AK6: variants seen among roughly 807,000 people sequenced by gnomAD.
The protein encoded by AK6 is adenylate kinase 6, also known as adenylate kinase isoenzyme 6.
AK6 carries 24 observed loss-of-function variants against 23.7 expected under a neutral mutation model. That is an observed-to-expected ratio of 1.01 (90% CI 0.73 to 1.43). AK6 has a LOEUF of 1.43. Ranked by LOEUF, AK6 falls within the 40% of genes most tolerant of loss-of-function variation. The pLI, the probability that AK6 is intolerant of heterozygous loss-of-function variation, is 0.00. For missense variants in AK6, 191 were observed against 199.1 expected (o/e 0.96, Z 0.24); for synonymous variants, 73 against 69.8 (o/e 1.05, Z -0.23).
intron 2 of AK6, chr5:69,365,606 G>A (rs758178796): frequency 5.0e-6 from 8 of 1,614,070 alleles, no homozygotes; most frequent in Non-Finnish European, 6.8e-6. Context: ...TCACATATCG[G>A]AAGGCAAACT....
chr5:69,355,315 C>T lies in AK6; in HGVS notation c.326+334G>A, dbSNP rs542451778. On this transcript the variant is annotated intron_variant, in intron 4 of 4. Transcript: ENST00000380822. ...TTGGGAGGCTGAGGTGGGCAGATTG[C>T]TGGAGCCCAAGAGTTCGAGACCAGT... is the stretch of plus-strand genomic sequence containing the variant. Among the ~76,000 whole-genome samples the T allele has an allele frequency of 2.6e-5, 4 of 152,228 alleles. No individual in the cohort carries two copies. In the South Asian group the frequency reaches 8.3e-4, roughly 32 times the overall value.
chr5:69,369,673 C>T (rs1250222542), upstream of AK6: 6 of 1,556,490 alleles, frequency 3.9e-6, no homozygotes, highest in Non-Finnish European at 4.3e-6. Context: ...TTCGATGACA[C>T]ATTTCCGTCG....
At chr5:69,366,801 C>T in intron 1 of AK6, 2 of 545,328 alleles carry the variant, frequency 3.7e-6, no homozygotes, top group South Asian at 2.2e-5. Flanking sequence ...TCTTGTCGCC[C>T]AGGCTGGAGT....
At position 69,363,943 on chromosome 5, in the gene AK6, C is replaced by G. The variant is rs1037214133; in HGVS notation, c.121+2560G>C. Among the ~76,000 whole-genome samples the G allele has an allele frequency of 2.4e-4, 36 of 151,974 alleles. 1 individual carries two copies. Among genetic ancestry groups the G allele is most frequent in the Non-Finnish European group, 4.4e-5 (3 of 68,000 alleles). On this transcript the variant is annotated intron_variant, in intron 2 of 4. Transcript: ENST00000380822. ...TCTCTACTAAAAATATAAAAATTAG[C>G]CAGGTGTGGTGGTGCACACCTGTAA...
intron 1 of AK6, 90 bp downstream of exon 1, chr5:69,369,373 T>G: frequency 6.8e-7 from 1 of 1,469,792 alleles, no homozygotes; most frequent in Non-Finnish European, 9.2e-7. Flanking sequence ...AAGAGGGCAG[T>G]GAGGGGCCCC....
chr5:69,365,496 T>C lies in AK6; in HGVS notation c.121+1007A>G, dbSNP rs1420926050. ...TCTTGGGGGAGGAGAGGTAAAAGAC[T>C]GATCAGCGCGGCACTGGATTGCCAA... On this transcript the variant is annotated intron_variant, in intron 2 of 4. Transcript: ENST00000380822. 7 of 1,613,990 alleles carry C rather than the reference T, an allele frequency of 4.3e-6. No individual in the cohort carries two copies. The highest frequency in any genetic ancestry group is 5.1e-6 in the Non-Finnish European group (6 of 1,179,992).
chr5:69,354,030 C>T (rs1762018980), intron 4 of AK6, among the ~76,000 whole-genome samples: 1 of 152,124 alleles, frequency 6.6e-6, no homozygotes, highest in Non-Finnish European at 1.5e-5. Context: ...CTCAGCCTCC[C>T]AAATTGCTGG....
intron 2 of AK6, among the ~76,000 whole-genome samples, chr5:69,363,208 A>T (rs1762288037): frequency 6.6e-6 from 1 of 152,214 alleles, no homozygotes; most frequent in Non-Finnish European, 1.5e-5. Context: ...AGCCTGGGCA[A>T]CAGAGCAAGA....
At chr5:69,362,284 T>C (rs1160955988) in intron 2 of AK6, among the ~76,000 whole-genome samples, 4 of 152,012 alleles carry the variant, frequency 2.6e-5, no homozygotes, top group Non-Finnish European at 4.4e-5. Context: ...TCCCCCTCCA[T>C]GTGACAACCC....
rs2150727282 is a variant in AK6, at chr5:69,351,307, A to AT, written c.*753dup. The AT allele has an allele frequency of 6.6e-6, 1 of 152,316 alleles. No individual in the cohort carries two copies. The highest frequency in any genetic ancestry group is 2.1e-4 in the South Asian group (1 of 4,832). The allele number at this position is 152,316 out of a possible 1,614,324, so 9.4% of individuals were successfully genotyped here. On this transcript the variant is annotated 3_prime_UTR_variant, in exon 5 of 5. Transcript: ENST00000380822. ...CTCCCCATTTGCTGGGATTACAGGC[A>AT]TAAGCCACCATACCCGGTTCTGATT...
At chr5:69,365,093 A>T in intron 2 of AK6, 1 of 1,614,250 alleles carries the variant, frequency 6.2e-7, no homozygotes, top group South Asian at 1.1e-5. Flanking sequence ...TTAATGATGG[A>T]TTAATCAGAA....
At position 69,369,234 on chromosome 5, in the gene AK6, CCG is replaced by C. The variant is rs140300083; in HGVS notation, c.28+227_28+228del. 5.3e-4 allele frequency: 38 copies of C among 71,062 alleles called. 3 individuals are homozygous for C. Among genetic ancestry groups the C allele is most frequent in the South Asian group, 3.0e-3 (8 of 2,674 alleles). The allele number at this position is 71,062 out of a possible 1,614,324, so 4.4% of individuals were successfully genotyped here. ...TCTGCCGACCTCTCTCCACCCCCCCCCGCCCCCCCCCGGAGCCTCAGGCCAAC... is the reference window on the plus strand; with the variant it reads ...TCTGCCGACCTCTCTCCACCCCCCCCCCCCCCCCCGGAGCCTCAGGCCAAC... On this transcript the variant is annotated intron_variant, in intron 1 of 4. Coordinates refer to ENST00000380822, the MANE Select transcript of AK6 (RefSeq NM_016283.5).
intron 2 of AK6, chr5:69,364,986 T>C: frequency 6.2e-7 from 1 of 1,613,710 alleles, no homozygotes. Flanking sequence ...GTCATCATCA[T>C]CATCTTCACG....
chr5:69,360,693 G>A (rs1245224540), intron 2 of AK6, among the ~76,000 whole-genome samples: 2 of 152,180 alleles, frequency 1.3e-5, no homozygotes, highest in African/African-American at 4.8e-5. Context: ...GAGGTCAATA[G>A]AGGAGTTAGT....
rs5868577 is a variant in AK6, at chr5:69,358,517, C to CAA, written c.122-2566_122-2565dup. 3.8e-3 allele frequency among the ~76,000 whole-genome samples: 203 copies of CAA among 53,982 alleles called. 3 individuals are homozygous for CAA. The highest frequency in any genetic ancestry group is 9.4e-3 in the African/African-American group (107 of 11,340). 35.4% of individuals were successfully genotyped at this position (53,982 alleles called of 152,430 possible). On this transcript the variant is annotated intron_variant, in intron 2 of 4. Transcript: ENST00000380822. ...TGGGTGACAGAGCAAGACTCTGTCTCAAAAAAAAAAAAAAAAAAAAAAAAA... is the reference window on the plus strand; with the variant it reads ...TGGGTGACAGAGCAAGACTCTGTCTCAAAAAAAAAAAAAAAAAAAAAAAAAAA...
chr5:69,360,728 A>G (rs1350363967), intron 2 of AK6, among the ~76,000 whole-genome samples: 1 of 152,172 alleles, frequency 6.6e-6, no homozygotes. Context: ...GTGGGAGTTG[A>G]TAAGGGGAGA....
chr5:69,366,358 A>G (rs1337891801), intron 2 of AK6, 145 bp downstream of exon 2: 28 of 636,826 alleles, frequency 4.4e-5, no homozygotes, highest in Non-Finnish European at 6.5e-5. Context: ...GACACTTAAT[A>G]TTTCTGTGGA....
intron 2 of AK6, chr5:69,365,785 T>A: frequency 7.1e-7 from 1 of 1,412,540 alleles, no homozygotes; most frequent in Non-Finnish European, 9.5e-7. Flanking sequence ...ATATGTACAT[T>A]AGATCAATCT....
intron 2 of AK6, among the ~76,000 whole-genome samples, chr5:69,362,837 G>C (rs1762277106): frequency 6.6e-6 from 1 of 152,104 alleles, no homozygotes; most frequent in South Asian, 2.1e-4. Flanking sequence ...TTACAGGAGG[G>C]GGAAAAAATA....
Sources: gnomAD v4.1 joint callset for allele counts (sites outside exome capture counted in the v4.1 genomes callset) on GRCh38, gnomAD v4.1.1 for gene constraint, MANE v1.5 for transcripts, NCBI Gene and HGNC (gene_info 2026-07-23, HGNC 2026-07-21) for gene names.